Variants in NCAPG2 observed in about 807,000 individuals in gnomAD.
NCAPG2 encodes the protein condensin-2 complex subunit G2.
A neutral mutation model predicts 141.1 loss-of-function variants in NCAPG2; 53 were observed. The ratio of observed to expected loss-of-function variants is 0.38; its 90% CI spans 0.30 to 0.47. NCAPG2 has a LOEUF of 0.47. Ranked by LOEUF, NCAPG2 falls within the 20% of genes least tolerant of loss-of-function variation. The probability of loss-of-function intolerance (pLI) is 0.99; values close to 1 mark genes in which losing one functional copy is unlikely to be tolerated. For missense variants in NCAPG2, 1,087 were observed against 1,389.0 expected, an observed-to-expected ratio of 0.78 and a Z score of 3.46; for synonymous variants, 499 against 490.7, an observed-to-expected ratio of 1.02 and a Z score of -0.22.
chr7:158,652,253 A>G, intron 23 of NCAPG2, 40 bp downstream of exon 23: 1 of 1,578,524 alleles, frequency 6.3e-7, no homozygotes, highest in Non-Finnish European at 8.6e-7. Context: ...AGCCCTGAAA[A>G]GCCCATCTAG....
chr7:158,679,156 A>G (rs1175591956), intron 11 of NCAPG2, among the ~76,000 whole-genome samples: 1 of 152,218 alleles, frequency 6.6e-6, no homozygotes, highest in East Asian at 1.9e-4. Flanking sequence ...GTGCAGGCCT[A>G]TTATACTATT....
chr7:158,691,594 GAA>G (rs1362957996), intron 4 of NCAPG2, among the ~76,000 whole-genome samples: 2 of 152,156 alleles, frequency 1.3e-5, no homozygotes, highest in African/African-American at 4.8e-5. Flanking sequence ...GAGGGTATGT[GAA>G]AAGTTTTCTT....
intron 11 of NCAPG2, among the ~76,000 whole-genome samples, 156 bp downstream of exon 11, chr7:158,679,804 G>C (rs983538804): frequency 2.6e-5 from 4 of 152,214 alleles, no homozygotes; most frequent in Non-Finnish European, 5.9e-5. Flanking sequence ...GGGAGAAGTG[G>C]CATCTCTCTG....
intron 13 of NCAPG2, among the ~76,000 whole-genome samples, chr7:158,665,978 G>A (rs1236992289): frequency 1.4e-5 from 2 of 143,884 alleles, no homozygotes; most frequent in African/African-American, 5.2e-5. Flanking sequence ...ACACGGGGCA[G>A]TTTACTCACA....
At chr7:158,662,155 C>G in intron 16 of NCAPG2, 39 bp downstream of exon 16, 1 of 1,545,116 alleles carries the variant, frequency 6.5e-7, no homozygotes, top group Non-Finnish European at 8.7e-7. Context: ...CAAACGTAAC[C>G]TTAATATACC....
In NCAPG2 at chr7:158,646,919, C is replaced by T. The variant is rs551954670; in HGVS notation, c.3076-356G>A. On this transcript the variant is annotated intron_variant, in intron 24 of 27. Coordinates refer to ENST00000356309, the MANE Select transcript of NCAPG2 (RefSeq NM_017760.7). The stretch of plus-strand genomic sequence containing the variant: ...TGGTGCATACCTGTAGTCCCAGCTA[C>T]TTGGGAGACTGAGGCAGGAGGATCA... 3.9e-4 allele frequency among the ~76,000 whole-genome samples: 59 copies of T among 151,846 alleles called. 1 individual carries two copies. The highest frequency in any genetic ancestry group is 1.3e-3 in the African/African-American group (54 of 41,406).
At chr7:158,631,775 T>G (rs946245064) in intron 27 of NCAPG2, 58 bp from the exon 28 acceptor site, 1 of 1,342,656 alleles carries the variant, frequency 7.4e-7, no homozygotes, top group African/African-American at 1.5e-5. Flanking sequence ...ATTATCCAAA[T>G]GTACATTTTC....
intron 17 of NCAPG2, among the ~76,000 whole-genome samples, chr7:158,657,562 C>A (rs554270566): frequency 6.6e-6 from 1 of 152,210 alleles, no homozygotes; most frequent in Non-Finnish European, 1.5e-5. Flanking sequence ...CCAGCCGCCC[C>A]GTCCGGGAGG....
intron 17 of NCAPG2, among the ~76,000 whole-genome samples, chr7:158,657,534 G>A (rs1241283671): frequency 6.6e-6 from 1 of 152,204 alleles, no homozygotes; most frequent in Non-Finnish European, 1.5e-5. Flanking sequence ...GAGGTGGGGG[G>A]GTCAGCCCCC....
At chr7:158,647,474 C>T (rs960091177) in intron 24 of NCAPG2, among the ~76,000 whole-genome samples, 6 of 152,230 alleles carry the variant, frequency 3.9e-5, no homozygotes, top group Non-Finnish European at 7.3e-5. Context: ...TAATTATCAG[C>T]CTTGTGAGCT....
intron 27 of NCAPG2, among the ~76,000 whole-genome samples, chr7:158,632,493 C>T (rs905104650): frequency 6.6e-6 from 1 of 152,218 alleles, no homozygotes; most frequent in Non-Finnish European, 1.5e-5. Context: ...CTCAGAGAAG[C>T]AATAAAGAAA....
chr7:158,641,557 T>C, intron 27 of NCAPG2: 1 of 614,144 alleles, frequency 1.6e-6, no homozygotes, highest in Non-Finnish European at 2.9e-6. Context: ...CCTCATATCT[T>C]GGAAAAAAAA....
Position 158,689,800 on chromosome 7 carries a change from A to G in NCAPG2, c.672+19T>C. On this transcript the variant is annotated intron_variant, in intron 6 of 27. Transcript: ENST00000356309. ...AAGAAGCAGCTCACAAACAGATCAA[A>G]AAACAAATACCTATTTACCTCTTCT... 1 of 1,552,732 alleles carries G rather than the reference A, an allele frequency of 6.4e-7. No homozygotes were observed. Among genetic ancestry groups the G allele is most frequent in the Non-Finnish European group, 8.8e-7 (1 of 1,142,648 alleles).
At chr7:158,699,390 A>G (rs1835651643) in intron 2 of NCAPG2, among the ~76,000 whole-genome samples, 1 of 152,216 alleles carries the variant, frequency 6.6e-6, no homozygotes, top group Non-Finnish European at 1.5e-5. Flanking sequence ...TCAAGGAACA[A>G]TTTGACCAAA....
At chr7:158,637,448 C>T (rs867002654) in intron 27 of NCAPG2, among the ~76,000 whole-genome samples, 28 of 152,368 alleles carry the variant, frequency 1.8e-4, no homozygotes, top group East Asian at 7.7e-4. Flanking sequence ...TTCCGTAAGG[C>T]CCCCCTTTCT....
At chr7:158,667,636 T>G (rs1192629451) in intron 13 of NCAPG2, among the ~76,000 whole-genome samples, 2 of 14,642 alleles carry the variant, frequency 1.4e-4, no homozygotes, top group African/African-American at 6.3e-4. Flanking sequence ...CCCTCCACCC[T>G]CTTACCCACT....
intron 27 of NCAPG2, among the ~76,000 whole-genome samples, chr7:158,638,881 G>A (rs1830460628): frequency 1.3e-5 from 2 of 152,150 alleles, no homozygotes; most frequent in Admixed American, 6.5e-5. Flanking sequence ...AATGCTGTGT[G>A]TGAGCCACAG....
At chr7:158,668,921 T>C (rs557017315) in intron 13 of NCAPG2, among the ~76,000 whole-genome samples, 13 of 152,104 alleles carry the variant, frequency 8.5e-5, no homozygotes, top group Non-Finnish European at 1.8e-4. Context: ...TCCCTTCTCC[T>C]ACCCTCCACC....
intron 11 of NCAPG2, among the ~76,000 whole-genome samples, chr7:158,677,161 C>T (rs1026009022): frequency 1.3e-5 from 2 of 152,106 alleles, no homozygotes; most frequent in African/African-American, 4.8e-5. Flanking sequence ...CGTGTGTCAT[C>T]TGCCAGGAAG....
Sources: gnomAD v4.1 joint callset for allele counts (sites outside exome capture counted in the v4.1 genomes callset) on GRCh38, gnomAD v4.1.1 for gene constraint, MANE v1.5 for transcripts, NCBI Gene and HGNC (gene_info 2026-07-23, HGNC 2026-07-21) for gene names.